AOAH: variants seen among roughly 807,000 people sequenced by gnomAD.
The protein encoded by AOAH is acyloxyacyl hydrolase (neutrophil).
In AOAH, 64 loss-of-function variants were observed where a neutral mutation model predicts 92.2. The observed-to-expected ratio is 0.69, with a 90% CI of 0.57 to 0.86. AOAH has a LOEUF of 0.86. AOAH is among the 40% of genes least tolerant of loss of function. The pLI is 0.00. For synonymous variants in AOAH, 263 were observed against 254.5 expected (o/e 1.03, Z -0.32); for missense variants, 656 against 694.6 (o/e 0.94, Z 0.62).
chr7:36,534,375 G>C (rs1784880425), intron 16 of AOAH, among the ~76,000 whole-genome samples: 1 of 152,232 alleles, frequency 6.6e-6, no homozygotes, highest in African/African-American at 2.4e-5. Context: ...AACATCCTTA[G>C]TGTGGGTGGC....
At chr7:36,717,158 C>T (rs1353612739) in intron 1 of AOAH, among the ~76,000 whole-genome samples, 5 of 152,128 alleles carry the variant, frequency 3.3e-5, no homozygotes, top group Admixed American at 6.5e-5. Flanking sequence ...TTTATGGCCA[C>T]GTCCTCAGGT....
intron 19 of AOAH, among the ~76,000 whole-genome samples, chr7:36,527,588 G>A (rs1484710057): frequency 6.6e-6 from 1 of 152,146 alleles, no homozygotes; most frequent in Admixed American, 6.5e-5. Context: ...GGATGATGGT[G>A]GTGGCGGGGG....
intron 2 of AOAH, among the ~76,000 whole-genome samples, chr7:36,678,600 T>TGTGTGTGTGTGTGTGTGCGCGCGCGC (rs549317369): frequency 9.2e-5 from 12 of 131,030 alleles, no homozygotes; most frequent in South Asian, 2.8e-4. Flanking sequence ...TGTGTGTGTG[T>TGTGTGTGTGTGTGTGTGCGCGCGCGC]GCGCGCGCGC....
intron 2 of AOAH, among the ~76,000 whole-genome samples, chr7:36,678,624 C>G (rs1796456689): frequency 7.0e-6 from 1 of 143,874 alleles, no homozygotes; most frequent in East Asian, 2.1e-4. Context: ...CGTTAGAATT[C>G]TGTTTAGCTC....
Position 36,699,125 on chromosome 7 carries a change from A to C in AOAH, c.128-12331T>G, listed in dbSNP as rs934175025. On this transcript the variant is annotated intron_variant, in intron 1 of 20. Transcript: ENST00000617537. Reference sequence around the variant, plus strand: ...CTCCAGTTACATCCTTGTTGCTGCAAATGACAGGCTTTCATTCTTTATTGC... The same window carrying C: ...CTCCAGTTACATCCTTGTTGCTGCACATGACAGGCTTTCATTCTTTATTGC... Among the ~76,000 whole-genome samples the C allele has an allele frequency of 6.6e-5, 10 of 152,154 alleles. No homozygotes were observed. In the South Asian group the frequency reaches 2.1e-3, roughly 32 times the overall value.
intron 1 of AOAH, among the ~76,000 whole-genome samples, chr7:36,700,868 T>C (rs937040628): frequency 3.3e-5 from 5 of 152,106 alleles, no homozygotes; most frequent in Admixed American, 3.3e-4. Flanking sequence ...TTTTTAACAA[T>C]AGCCATTCTA....
chr7:36,649,932 G>A (rs1049727475), intron 4 of AOAH, among the ~76,000 whole-genome samples: 6 of 152,172 alleles, frequency 3.9e-5, no homozygotes, highest in Non-Finnish European at 7.3e-5. Flanking sequence ...CATCCTAATC[G>A]AGCTGAACAC....
chr7:36,554,093 C>T (rs1786499338), intron 13 of AOAH, among the ~76,000 whole-genome samples: 1 of 152,190 alleles, frequency 6.6e-6, no homozygotes, highest in Admixed American at 6.5e-5. Flanking sequence ...CCTAGGTTTT[C>T]ATTTAGGGTT....
intron 1 of AOAH, among the ~76,000 whole-genome samples, chr7:36,717,891 A>G (rs1372378118): frequency 6.6e-6 from 1 of 151,906 alleles, no homozygotes; most frequent in East Asian, 1.9e-4. Flanking sequence ...TACAACAACA[A>G]TTTTAAAATA....
At chr7:36,557,613 C>G (rs1391663580) in intron 13 of AOAH, among the ~76,000 whole-genome samples, 2 of 152,366 alleles carry the variant, frequency 1.3e-5, no homozygotes, top group African/African-American at 4.8e-5. Flanking sequence ...CTGTCACTTT[C>G]AGGTACACCA....
chr7:36,599,775 C>T (rs1189190572), intron 11 of AOAH: 2 of 152,412 alleles, frequency 1.3e-5, no homozygotes, highest in South Asian at 2.1e-4. Flanking sequence ...CCCAGTTCCG[C>T]TAGTTGGCTC....
At chr7:36,541,449 A>G (rs1416909907) in intron 15 of AOAH, among the ~76,000 whole-genome samples, 1 of 152,246 alleles carries the variant, frequency 6.6e-6, no homozygotes, top group Non-Finnish European at 1.5e-5. Flanking sequence ...TTTACCCTCA[A>G]TCAGACATTT....
chr7:36,513,794 G>A (rs956912853), intron 20 of AOAH, among the ~76,000 whole-genome samples: 19 of 152,200 alleles, frequency 1.2e-4, no homozygotes, highest in Admixed American at 5.2e-4. Flanking sequence ...ATGAGTCCCC[G>A]GATGAGAACA....
intron 15 of AOAH, among the ~76,000 whole-genome samples, chr7:36,548,187 A>C (rs569716410): frequency 3.3e-5 from 5 of 152,206 alleles, no homozygotes; most frequent in African/African-American, 1.2e-4. Context: ...ACACGTGTCT[A>C]GGACTTGCTT....
intron 4 of AOAH, among the ~76,000 whole-genome samples, chr7:36,643,294 T>C (rs1403747980): frequency 4.6e-5 from 7 of 152,196 alleles, no homozygotes. Context: ...CTCTAGTGCC[T>C]TTCCCACCAC....
chr7:36,613,030 T>C (rs1343624618), intron 11 of AOAH, among the ~76,000 whole-genome samples: 1 of 152,198 alleles, frequency 6.6e-6, no homozygotes, highest in Non-Finnish European at 1.5e-5. Context: ...TATCTAGTTT[T>C]TTTTGTGTGC....
At chr7:36,555,276 C>A (rs1488454573) in intron 13 of AOAH, among the ~76,000 whole-genome samples, 1 of 152,050 alleles carries the variant, frequency 6.6e-6, no homozygotes, top group African/African-American at 2.4e-5. Flanking sequence ...TGTTTATATG[C>A]TGGATTACAT....
At chr7:36,709,224 T>A (rs1278350173) in intron 1 of AOAH, among the ~76,000 whole-genome samples, 3 of 152,106 alleles carry the variant, frequency 2.0e-5, no homozygotes, top group Non-Finnish European at 2.9e-5. Flanking sequence ...ACGGCCTCCA[T>A]CACTTTTGGC....
chr7:36,548,658 G>A lies in AOAH; in HGVS notation c.1087C>T (p.Pro363Ser), dbSNP rs1286391128. ...SLSRNKVLDY[P>S]AIVIYAMIGN... is the part of the protein sequence containing the mutation. ...ATCATGGCATATATAACGATGGCGG[G>A]ATAGTCCAACACCTTGTTTCTAGAC... Residue 363 changes from proline to serine, a missense_variant, in exon 15 of 21, where the codon CCC becomes TCC. By Grantham distance (74) the Pro-to-Ser change is moderately conservative. Transcript: ENST00000617537. 7 of 1,613,810 alleles carry A rather than the reference G, an allele frequency of 4.3e-6. No homozygotes were observed. Among genetic ancestry groups the A allele is most frequent in the Non-Finnish European group, 5.9e-6 (7 of 1,179,778 alleles).
Sources: allele counts gnomAD v4.1 joint callset (sites outside exome capture counted in the v4.1 genomes callset), GRCh38; gene constraint gnomAD v4.1.1; transcripts MANE v1.5; gene names NCBI Gene and HGNC (gene_info 2026-07-23, HGNC 2026-07-21).